Variants in AK3 observed in about 807,000 individuals in gnomAD.
The protein encoded by AK3 is adenylate kinase 3, also known as GTP:AMP phosphotransferase AK3, mitochondrial.
AK3 carries 27 observed loss-of-function variants against 23.7 expected under a neutral mutation model. That is an observed-to-expected ratio of 1.14 (90% CI 0.84 to 1.57). AK3 has a LOEUF of 1.57. AK3 is among the 40% of genes most tolerant of loss of function. The probability of loss-of-function intolerance (pLI) is 0.00; values close to 1 mark genes in which losing one functional copy is unlikely to be tolerated. For synonymous variants in AK3, 159 were observed against 116.0 expected (o/e 1.37, Z -2.38); for missense variants, 406 against 285.6 (o/e 1.42, Z -3.04).
At chr9:4,714,712 G>C (rs891958408) in intron 4 of AK3, among the ~76,000 whole-genome samples, 6 of 152,108 alleles carry the variant, frequency 3.9e-5, no homozygotes, top group Non-Finnish European at 8.8e-5. Flanking sequence ...TCAACAATTG[G>C]TCCTCCAAAG....
Position 4,718,479 on chromosome 9 carries a change from G to T in AK3, c.503C>A (p.Thr168Lys). The change falls in exon 4 of 5, where the codon ACG becomes AAG. Residue 168 changes from threonine to lysine, a missense_variant. Physicochemically the swap from Thr to Lys is moderately conservative, Grantham distance 78 (BLOSUM62 -1). Coordinates refer to ENST00000381809, the MANE Select transcript of AK3 (RefSeq NM_016282.4). ...LIQREDDKPETVIKRLKAYED... is the reference protein window; with the variant it reads ...LIQREDDKPEKVIKRLKAYED... The stretch of plus-strand genomic sequence containing the variant: ...ATAAGCCTTTAGTCTCTTGATAACC[G>T]TCTCTGGTTTATCATCCTCACGCTG... 6.2e-7 allele frequency: 1 copy of T among 1,613,662 alleles called. No individual in the cohort carries two copies. The highest frequency in any genetic ancestry group is 8.5e-7 in the Non-Finnish European group (1 of 1,179,814).
In AK3 at chr9:4,720,689, C is replaced by CAA. The variant is rs61644070; in HGVS notation, c.272-1384_272-1383dup. On this transcript the variant is annotated intron_variant, in intron 2 of 4. Transcript: ENST00000381809. ...TGGTGACAGAGCAAGACACTGTCTC[C>CAA]AAAAAAAAAAAAGTGACAAAGGTTA... is the stretch of plus-strand genomic sequence containing the variant. Among the ~76,000 whole-genome samples, 50 of 140,204 alleles carry CAA rather than the reference C, an allele frequency of 3.6e-4. 7 individuals carry two copies. The highest frequency in any genetic ancestry group is 8.2e-4 in the East Asian group (4 of 4,904). The allele number at this position is 140,204 out of a possible 152,430, so 92.0% of individuals were successfully genotyped here. A position where few individuals can be genotyped will look rare whatever the true frequency, so the allele number is the denominator to read the frequency against.
chr9:4,737,600 G>A (rs979259916), intron 1 of AK3, among the ~76,000 whole-genome samples: 1 of 152,142 alleles, frequency 6.6e-6, no homozygotes, highest in African/African-American at 2.4e-5. Context: ...TGTAGTCCCA[G>A]CTACCTGAGT....
In AK3 at chr9:4,711,047, T is replaced by C. The variant is rs1587630527; in HGVS notation, c.*1929A>G. ...ATAAGAGTCTTAATTCTCATAGCCA[T>C]GTTCTTCCACTGCTCACTTTGATTT... is the stretch of plus-strand genomic sequence containing the variant. On this transcript the variant is annotated 3_prime_UTR_variant, in exon 5 of 5. Transcript: ENST00000381809. 6.6e-6 allele frequency: 1 copy of C among 152,240 alleles called. No individual in the cohort carries two copies. The highest frequency in any genetic ancestry group is 1.5e-5 in the Non-Finnish European group (1 of 68,044). 9.4% of individuals were successfully genotyped at this position (152,240 alleles called of 1,614,324 possible).
intron 1 of AK3, among the ~76,000 whole-genome samples, chr9:4,726,058 A>G (rs1842017392): frequency 1.3e-5 from 2 of 152,226 alleles, no homozygotes; most frequent in Non-Finnish European, 2.9e-5. Flanking sequence ...CAATAGCATT[A>G]TGTCTAAAAT....
intron 1 of AK3, among the ~76,000 whole-genome samples, chr9:4,731,825 G>A (rs759860808): frequency 3.9e-5 from 6 of 152,066 alleles, no homozygotes; most frequent in Non-Finnish European, 5.9e-5. Flanking sequence ...CTCTGCCTCT[G>A]CCACTCTTAG....
intron 2 of AK3, among the ~76,000 whole-genome samples, chr9:4,721,376 C>T (rs1841890869): frequency 6.6e-6 from 1 of 150,412 alleles, no homozygotes; most frequent in Non-Finnish European, 1.5e-5. Flanking sequence ...ACACTCCAGC[C>T]TGGGCAACAG....
chr9:4,710,827 G>C lies in AK3; in HGVS notation c.*2149C>G, dbSNP rs296823. 6.6e-6 allele frequency: 1 copy of C among 151,942 alleles called. No homozygotes were observed. Among genetic ancestry groups the C allele is most frequent in the Admixed American group, 6.6e-5 (1 of 15,250 alleles). The allele number at this position is 151,942 out of a possible 1,614,324, so 9.4% of individuals were successfully genotyped here. On this transcript the variant is annotated 3_prime_UTR_variant, in exon 5 of 5. Transcript: ENST00000381809. ...TGGGAGGCTGAGGTAGAAGAATTGCGTGAGCCCAGGAGTTCAACGTTACAG... is the reference window on the plus strand; with the variant it reads ...TGGGAGGCTGAGGTAGAAGAATTGCCTGAGCCCAGGAGTTCAACGTTACAG...
chr9:4,715,646 C>G (rs1236966717), intron 4 of AK3, among the ~76,000 whole-genome samples: 2 of 152,124 alleles, frequency 1.3e-5, no homozygotes, highest in African/African-American at 4.8e-5. Context: ...ATCCTCCTGC[C>G]TTAGCCTCCC....
At chr9:4,727,629 A>T (rs1277597452) in intron 1 of AK3, among the ~76,000 whole-genome samples, 3 of 152,162 alleles carry the variant, frequency 2.0e-5, no homozygotes, top group African/African-American at 7.2e-5. Flanking sequence ...AGCTTTCTCC[A>T]TATCAACAAC....
chr9:4,718,573 A>G (rs1841801584), intron 3 of AK3, 36 bp from the exon 4 acceptor site: 2 of 1,394,756 alleles, frequency 1.4e-6, no homozygotes, highest in African/African-American at 1.4e-5. Flanking sequence ...ATCAGATATC[A>G]TATTTCTGAA....
intron 1 of AK3, among the ~76,000 whole-genome samples, chr9:4,738,358 G>A (rs545902454): frequency 6.6e-6 from 1 of 152,192 alleles, no homozygotes; most frequent in African/African-American, 2.4e-5. Context: ...TAGAGACAGG[G>A]TTTTGCCATG....
At chr9:4,740,087 CAA>C (rs1842392497) in intron 1 of AK3, among the ~76,000 whole-genome samples, 1 of 114,372 alleles carries the variant, frequency 8.7e-6, no homozygotes, top group Non-Finnish European at 1.9e-5. Flanking sequence ...AGAAGGAAAA[CAA>C]AAGAAAAAGG....
At chr9:4,726,227 G>C (rs1258587197) in intron 1 of AK3, among the ~76,000 whole-genome samples, 1 of 152,096 alleles carries the variant, frequency 6.6e-6, no homozygotes, top group Non-Finnish European at 1.5e-5. Context: ...AAATGATGAG[G>C]TGGCTGTGCA....
chr9:4,727,603 C>T (rs111451216), intron 1 of AK3, among the ~76,000 whole-genome samples: 313 of 152,290 alleles, frequency 2.1e-3, no homozygotes, highest in African/African-American at 7.3e-3. Context: ...GTCTGATCTT[C>T]TTTCTAGACC....
chr9:4,734,573 T>C (rs1364360854), intron 1 of AK3, among the ~76,000 whole-genome samples: 4 of 152,260 alleles, frequency 2.6e-5, no homozygotes, highest in African/African-American at 9.6e-5. Context: ...TACTAGATTC[T>C]AGCCATGGAA....
intron 3 of AK3, 60 bp downstream of exon 3, chr9:4,719,075 G>C: frequency 3.2e-6 from 5 of 1,585,080 alleles, no homozygotes; most frequent in Non-Finnish European, 4.3e-6. Context: ...ACTTATGTCT[G>C]TTAGGGCAAG....
At chr9:4,736,023 G>A (rs1319976533) in intron 1 of AK3, among the ~76,000 whole-genome samples, 1 of 150,856 alleles carries the variant, frequency 6.6e-6, no homozygotes, top group Admixed American at 6.6e-5. Context: ...GCTGAGGCAG[G>A]AGAAGCACTT....
chr9:4,741,031 G>C lies in AK3; in HGVS notation c.57C>G (p.Gly19=). The C allele has an allele frequency of 1.3e-6, 2 of 1,582,292 alleles. No individual in the cohort carries two copies. The highest frequency in any genetic ancestry group is 1.7e-6 in the Non-Finnish European group (2 of 1,166,716). ...RAVIMGAPGS[G]KGTVSSRITT... The stretch of plus-strand genomic sequence containing the variant: ...TGATGCGCGACGACACGGTGCCCTT[G>C]CCCGAGCCCGGGGCCCCCATGATCA... The change falls in exon 1 of 5, where the codon GGC becomes GGG. Residue 19 remains glycine, a synonymous_variant. Coordinates refer to ENST00000381809, the MANE Select transcript of AK3 (RefSeq NM_016282.4).
Sources: allele counts gnomAD v4.1 joint callset (sites outside exome capture counted in the v4.1 genomes callset), GRCh38; gene constraint gnomAD v4.1.1; transcripts MANE v1.5; gene names NCBI Gene and HGNC (gene_info 2026-07-23, HGNC 2026-07-21).